CHSY3: variants seen among roughly 807,000 people sequenced by gnomAD.
CHSY3 encodes the protein chondroitin sulfate synthase 3.
A neutral mutation model predicts 67.2 loss-of-function variants in CHSY3; 35 were observed. The ratio of observed to expected loss-of-function variants is 0.52; its 90% CI spans 0.40 to 0.69. The LOEUF is 0.69. Ranked by LOEUF, CHSY3 falls within the 30% of genes least tolerant of loss-of-function variation. The pLI is 0.00. For synonymous variants in CHSY3, 474 were observed against 434.7 expected, an observed-to-expected ratio of 1.09 and a Z score of -1.12; for missense variants, 1,069 against 1,138.5, an observed-to-expected ratio of 0.94 and a Z score of 0.88.
At chr5:129,962,180 A>C (rs1368525743) in intron 2 of CHSY3, among the ~76,000 whole-genome samples, 1 of 151,934 alleles carries the variant, frequency 6.6e-6, no homozygotes. Flanking sequence ...CAAGACTCAG[A>C]CTCAACACTA....
chr5:129,930,100 G>A (rs1308194207), intron 2 of CHSY3, among the ~76,000 whole-genome samples: 2 of 152,122 alleles, frequency 1.3e-5, no homozygotes, highest in African/African-American at 4.8e-5. Flanking sequence ...TTGGAAGGCC[G>A]AGGCAGGCAG....
chr5:129,956,749 A>G (rs1487644749), intron 2 of CHSY3, among the ~76,000 whole-genome samples: 5 of 150,918 alleles, frequency 3.3e-5, no homozygotes, highest in Admixed American at 1.3e-4. Context: ...TTTTTTTTTC[A>G]TTTTGTGAAA....
intron 2 of CHSY3, among the ~76,000 whole-genome samples, chr5:130,170,561 C>T (rs1446098590): frequency 6.6e-6 from 1 of 152,024 alleles, no homozygotes; most frequent in Non-Finnish European, 1.5e-5. Flanking sequence ...ATTTTAGTTC[C>T]ATACTGTTTT....
chr5:129,905,765 C>G (rs776022177), intron 1 of CHSY3, 134 bp downstream of exon 1: 1 of 1,481,080 alleles, frequency 6.8e-7, no homozygotes, highest in Non-Finnish European at 8.9e-7. Context: ...GGCCCTGGCC[C>G]GCCCTCCCCA....
intron 2 of CHSY3, among the ~76,000 whole-genome samples, chr5:130,038,453 T>G (rs1236928726): frequency 2.0e-5 from 3 of 152,112 alleles, no homozygotes; most frequent in Non-Finnish European, 4.4e-5. Flanking sequence ...TTGATAAACT[T>G]TCTCTTACAT....
At chr5:130,157,540 A>G (rs1207399759) in intron 2 of CHSY3, among the ~76,000 whole-genome samples, 1 of 152,232 alleles carries the variant, frequency 6.6e-6, no homozygotes, top group Non-Finnish European at 1.5e-5. Context: ...TTAAAGGACC[A>G]AAGATTTTCG....
At chr5:130,177,241 A>G (rs946656488) in intron 2 of CHSY3, among the ~76,000 whole-genome samples, 4 of 151,304 alleles carry the variant, frequency 2.6e-5, no homozygotes, top group Admixed American at 6.6e-5. Flanking sequence ...GTGTATATAT[A>G]TATATATGTT....
chr5:129,993,881 C>T (rs1763448063), intron 2 of CHSY3, among the ~76,000 whole-genome samples: 1 of 151,792 alleles, frequency 6.6e-6, no homozygotes, highest in African/African-American at 2.4e-5. Flanking sequence ...GTGCTTCCTT[C>T]AGGAGCTCTT....
rs545033182 is a variant in CHSY3 at position 129,920,728 on chromosome 5, G to A, written c.1086+12368G>A. Among the ~76,000 whole-genome samples the A allele has an allele frequency of 1.5e-3, 227 of 152,280 alleles. 1 individual carries two copies. The highest frequency in any genetic ancestry group is 2.9e-3 in the Non-Finnish European group (196 of 68,022). On this transcript the variant is annotated intron_variant, in intron 2 of 2. Transcript: ENST00000305031. ...TTACAGTTTGAAGTGTATCAGTAAAGCTAGCACTAATTTCTTTCTCTTTCT... is the reference window on the plus strand; with the variant it reads ...TTACAGTTTGAAGTGTATCAGTAAAACTAGCACTAATTTCTTTCTCTTTCT...
chr5:129,948,635 T>C (rs1761935684), intron 2 of CHSY3, among the ~76,000 whole-genome samples: 1 of 152,226 alleles, frequency 6.6e-6, no homozygotes, highest in Non-Finnish European at 1.5e-5. Context: ...CGAATTGTGC[T>C]GCTATAAACA....
At chr5:130,097,328 C>T (rs1284777190) in intron 2 of CHSY3, among the ~76,000 whole-genome samples, 5 of 152,202 alleles carry the variant, frequency 3.3e-5, no homozygotes, top group Non-Finnish European at 7.3e-5. Context: ...ACAGACAAAA[C>T]TTGAAGAAAG....
chr5:130,073,499 G>C (rs140490421), intron 2 of CHSY3, among the ~76,000 whole-genome samples: 254 of 152,070 alleles, frequency 1.7e-3, no homozygotes, highest in African/African-American at 5.8e-3. Flanking sequence ...TGTTGGCCAG[G>C]CTGGTCTTGA....
chr5:130,108,137 C>A (rs1380640406), intron 2 of CHSY3, among the ~76,000 whole-genome samples: 4 of 151,396 alleles, frequency 2.6e-5, no homozygotes, highest in Admixed American at 2.6e-4. Flanking sequence ...AATATTCTTG[C>A]CTAACTCTAT....
At chr5:129,954,168 G>A (rs1189237327) in intron 2 of CHSY3, among the ~76,000 whole-genome samples, 1 of 152,180 alleles carries the variant, frequency 6.6e-6, no homozygotes, top group Non-Finnish European at 1.5e-5. Context: ...AAGGTGTAAG[G>A]AAAGGGTGCA....
chr5:129,969,906 C>T (rs1762591257), intron 2 of CHSY3, among the ~76,000 whole-genome samples: 1 of 151,824 alleles, frequency 6.6e-6, no homozygotes, highest in Non-Finnish European at 1.5e-5. Context: ...ACTAGTGAAG[C>T]ATTATGAACA....
At chr5:130,132,592 C>T (rs1338387269) in intron 2 of CHSY3, among the ~76,000 whole-genome samples, 2 of 152,122 alleles carry the variant, frequency 1.3e-5, no homozygotes, top group Non-Finnish European at 2.9e-5. Flanking sequence ...TAACAGTATC[C>T]TCTCTCTGTT....
intron 2 of CHSY3, among the ~76,000 whole-genome samples, chr5:129,911,755 T>C (rs1376229634): frequency 6.6e-6 from 1 of 152,150 alleles, no homozygotes; most frequent in Admixed American, 6.6e-5. Context: ...AGGAATTCAG[T>C]ATTAGTAAAA....
At chr5:130,125,433 AG>A (rs1390881234) in intron 2 of CHSY3, among the ~76,000 whole-genome samples, 1 of 151,648 alleles carries the variant, frequency 6.6e-6, no homozygotes. Context: ...ATAGATAGAT[AG>A]ATAGATAGAT....
chr5:129,951,320 T>C (rs983106287), intron 2 of CHSY3, among the ~76,000 whole-genome samples: 1 of 152,124 alleles, frequency 6.6e-6, no homozygotes, highest in Non-Finnish European at 1.5e-5. Context: ...AAAAGCCCCA[T>C]GACGTTGGTC....
Sources: gnomAD v4.1 joint callset for allele counts (sites outside exome capture counted in the v4.1 genomes callset) on GRCh38, gnomAD v4.1.1 for gene constraint, MANE v1.5 for transcripts, NCBI Gene and HGNC (gene_info 2026-07-23, HGNC 2026-07-21) for gene names.